The following FREM3 variants were observed in gnomAD, a reference collection of about 807,000 sequenced individuals.
FREM3 encodes the protein FRAS1 related extracellular matrix 3.
In FREM3, 105 loss-of-function variants were observed where a neutral mutation model predicts 129.1. The ratio of observed to expected loss-of-function variants is 0.81; its 90% CI spans 0.69 to 0.96. The LOEUF is 0.96. Among genes scored for constraint, FREM3 ranks in the 40% least tolerant of loss-of-function variants. The probability of loss-of-function intolerance (pLI) is 0.00; values close to 1 mark genes in which losing one functional copy is unlikely to be tolerated. For missense variants in FREM3, 2,593 were observed against 2,666.3 expected, an observed-to-expected ratio of 0.97 and a Z score of 0.61; for synonymous variants, 1,014 against 1,044.9, an observed-to-expected ratio of 0.97 and a Z score of 0.57.
chr4:143,695,596 C>T lies in FREM3; in HGVS notation c.5080G>A (p.Asp1694Asn). 1.3e-6 allele frequency: 2 copies of T among 1,537,352 alleles called. No homozygotes were observed. Among genetic ancestry groups the T allele is most frequent in the Non-Finnish European group, 1.7e-6 (2 of 1,146,946 alleles). ...TSKSLKAEDQ[D>N]SPHRLLKYKV... ...TACTTCAGAAGCCTGTGGGGACTGT[C>T]CTGATCTTCTGCCTTCAGAGACTTG... Residue 1694 changes from aspartate (D) to asparagine (N), a missense_variant, in exon 1 of 8, where the codon GAC (aspartate) becomes AAC (asparagine). Asp to Asn is a conservative substitution (Grantham distance 23, BLOSUM62 1). Coordinates refer to ENST00000329798, the MANE Select transcript of FREM3 (RefSeq NM_001168235.2).
chr4:143,579,061 A>C (rs1738088955), intron 7 of FREM3, among the ~76,000 whole-genome samples: 1 of 149,528 alleles, frequency 6.7e-6, no homozygotes, highest in Admixed American at 6.6e-5. Flanking sequence ...TCAAGAGTTG[A>C]CAAAAAAAAA....
At chr4:143,633,468 T>A (rs147390340) in intron 2 of FREM3, among the ~76,000 whole-genome samples, 1 of 152,188 alleles carries the variant, frequency 6.6e-6, no homozygotes, top group Admixed American at 6.5e-5. Flanking sequence ...TGGTATATGC[T>A]GTTCCCTCTT....
At chr4:143,617,403 A>C (rs1214258648) in intron 5 of FREM3, among the ~76,000 whole-genome samples, 1 of 152,132 alleles carries the variant, frequency 6.6e-6, no homozygotes, top group Non-Finnish European at 1.5e-5. Context: ...GTTATTCAAA[A>C]CATTAATGGT....
intron 2 of FREM3, among the ~76,000 whole-genome samples, chr4:143,679,207 T>C (rs1317473985): frequency 6.6e-6 from 1 of 152,192 alleles, no homozygotes; most frequent in Non-Finnish European, 1.5e-5. Flanking sequence ...TTGCAGGATT[T>C]TAGACTTAAC....
In FREM3 at chr4:143,699,672, A is replaced by T. The variant is rs1740655049; in HGVS notation, c.1004T>A (p.Val335Asp). The change falls in exon 1 of 8, where the codon GTC becomes GAC. Residue 335 changes from valine to aspartate, a missense_variant. Transcript: ENST00000329798. The surrounding 1 kb of genome is among the most constrained non-coding windows in gnomAD (Gnocchi z 4.2). ...LTPDALAAED[V>D]ESDPGDLVFN... ...CACCAGGTCACCAGGGTCTGACTCG[A>T]CGTCCTCCGCGGCCAGTGCGTCAGG... 1.3e-6 allele frequency: 2 copies of T among 1,528,610 alleles called. No homozygotes were observed. The allele number at this position is 1,528,610 out of a possible 1,614,324, so 94.7% of individuals were successfully genotyped here. A position where few individuals can be genotyped will look rare whatever the true frequency, so the allele number is the denominator to read the frequency against.
At chr4:143,658,718 AG>A (rs2149851151) in intron 2 of FREM3, among the ~76,000 whole-genome samples, 1 of 152,348 alleles carries the variant, frequency 6.6e-6, no homozygotes, top group East Asian at 1.9e-4. Context: ...ATTTCTTTTA[AG>A]CTCATCAGCT....
chr4:143,654,845 G>A (rs1409115438), intron 2 of FREM3, among the ~76,000 whole-genome samples: 1 of 152,168 alleles, frequency 6.6e-6, no homozygotes, highest in Non-Finnish European at 1.5e-5. Flanking sequence ...GCAAACTTGT[G>A]TTCATTCTAT....
At chr4:143,612,279 T>C (rs975859232) in intron 5 of FREM3, among the ~76,000 whole-genome samples, 2 of 152,230 alleles carry the variant, frequency 1.3e-5, no homozygotes, top group African/African-American at 4.8e-5. Flanking sequence ...ATCACAAATC[T>C]GCTTTGCATC....
intron 2 of FREM3, among the ~76,000 whole-genome samples, chr4:143,628,728 C>T (rs1739088959): frequency 6.6e-6 from 1 of 152,122 alleles, no homozygotes; most frequent in African/African-American, 2.4e-5. Context: ...TCCCTATTAT[C>T]ACCAAAAAGG....
At chr4:143,646,853 G>T (rs1044125601) in intron 2 of FREM3, among the ~76,000 whole-genome samples, 3 of 152,272 alleles carry the variant, frequency 2.0e-5, no homozygotes, top group Non-Finnish European at 4.4e-5. Context: ...ACTGGCAGAG[G>T]TTGGAAGTTT....
At chr4:143,611,056 CAAGTA>C (rs113549046) in intron 6 of FREM3, among the ~76,000 whole-genome samples, 16,980 of 151,984 alleles carry the variant, frequency 0.11, 2,819 homozygotes, top group African/African-American at 0.37. Context: ...TTTCTTGTGT[CAAGTA>C]AAGTCGTACC....
At chr4:143,603,210 A>T (rs1003921845) in intron 6 of FREM3, among the ~76,000 whole-genome samples, 1 of 152,150 alleles carries the variant, frequency 6.6e-6, no homozygotes, top group Non-Finnish European at 1.5e-5. Context: ...TCTGACTCTG[A>T]CAGGCCATGG....
chr4:143,649,264 C>T (rs1215958664), intron 2 of FREM3: 1 of 152,170 alleles, frequency 6.6e-6, no homozygotes, highest in Non-Finnish European at 1.5e-5. Context: ...ATCCTGAAAA[C>T]ACCATCAACT....
chr4:143,577,520 T>C lies in FREM3; in HGVS notation c.*91A>G. ...ACCAATGACAGTACAATATCACTGA[T>C]ATCCCAGAATTGCTAAGATCTATAA... On this transcript the variant is annotated 3_prime_UTR_variant, in exon 8 of 8. Coordinates refer to ENST00000329798, the MANE Select transcript of FREM3 (RefSeq NM_001168235.2). 8.2e-7 allele frequency: 1 copy of C among 1,213,184 alleles called. No individual in the cohort carries two copies. Among genetic ancestry groups the C allele is most frequent in the Non-Finnish European group, 1.1e-6 (1 of 886,948 alleles). 75.2% of individuals were successfully genotyped at this position (1,213,184 alleles called of 1,614,324 possible). A position where few individuals can be genotyped will look rare whatever the true frequency, so the allele number is the denominator to read the frequency against.
intron 2 of FREM3, among the ~76,000 whole-genome samples, chr4:143,679,972 A>T (rs1009362279): frequency 1.3e-5 from 2 of 152,166 alleles, no homozygotes; most frequent in Non-Finnish European, 2.9e-5. Flanking sequence ...ATAAGCTAGA[A>T]TAATGTGGTT....
chr4:143,597,076 C>T (rs1560839254), intron 6 of FREM3, among the ~76,000 whole-genome samples: 1 of 152,100 alleles, frequency 6.6e-6, no homozygotes, highest in African/African-American at 2.4e-5. Flanking sequence ...GAGCATCAAC[C>T]CTTGGGGAGA....
At chr4:143,612,062 C>T (rs979345501) in intron 5 of FREM3, among the ~76,000 whole-genome samples, 5 of 152,118 alleles carry the variant, frequency 3.3e-5, no homozygotes, top group Non-Finnish European at 5.9e-5. Context: ...TAGAGGATTT[C>T]GGTTTAGATT....
chr4:143,692,730 A>G (rs1740495278), intron 2 of FREM3, among the ~76,000 whole-genome samples: 1 of 152,194 alleles, frequency 6.6e-6, no homozygotes, highest in Non-Finnish European at 1.5e-5. Context: ...GCAGATAAAA[A>G]TCCCAACAAA....
chr4:143,690,840 C>A (rs1275514717), intron 2 of FREM3, among the ~76,000 whole-genome samples: 1 of 152,082 alleles, frequency 6.6e-6, no homozygotes, highest in Non-Finnish European at 1.5e-5. Flanking sequence ...ATGCATGGTA[C>A]ATGGAAGGCA....
Sources: gnomAD v4.1 joint callset for allele counts (sites outside exome capture counted in the v4.1 genomes callset) on GRCh38, gnomAD v4.1.1 for gene constraint, Gnocchi (gnomAD v3.1) non-coding constraint, MANE v1.5 for transcripts, NCBI Gene and HGNC (gene_info 2026-07-23, HGNC 2026-07-21) for gene names.